SLC44A5: variants seen among roughly 807,000 people sequenced by gnomAD.
SLC44A5 encodes the protein solute carrier family 44 member 5, also known as choline transporter-like protein 5.
Under a neutral mutation model 101.8 loss-of-function variants are expected in SLC44A5, and 57 were observed. The ratio of observed to expected loss-of-function variants is 0.56; its 90% CI spans 0.45 to 0.70. The LOEUF (loss-of-function observed/expected upper bound fraction) is 0.70. SLC44A5 is among the 30% of genes least tolerant of loss of function. The pLI is 0.00. For synonymous variants in SLC44A5, 281 were observed against 290.9 expected, an observed-to-expected ratio of 0.97 and a Z score of 0.35; for missense variants, 737 against 853.1, an observed-to-expected ratio of 0.86 and a Z score of 1.70.
At chr1:75,461,769 A>G (rs1226213846) in intron 2 of SLC44A5, among the ~76,000 whole-genome samples, 1 of 152,188 alleles carries the variant, frequency 6.6e-6, no homozygotes, top group East Asian at 1.9e-4. Context: ...TAGGGGGAAC[A>G]TTGGTAGTAA....
At chr1:75,636,460 G>A in the SLC44A5 span, among the ~76,000 whole-genome samples, 2 of 152,046 alleles carry the variant, frequency 1.3e-5, no homozygotes, top group Non-Finnish European at 2.9e-5. Flanking sequence ...GCTAGATATA[G>A]GGATTTAAAC....
At chr1:75,672,171 G>A in the SLC44A5 span, among the ~76,000 whole-genome samples, 1 of 152,108 alleles carries the variant, frequency 6.6e-6, no homozygotes, top group Admixed American at 6.5e-5. Flanking sequence ...CTTTTAACAT[G>A]TCAGAAAAGA....
At chr1:75,481,375 A>C (rs1667835723) in intron 2 of SLC44A5, among the ~76,000 whole-genome samples, 1 of 152,202 alleles carries the variant, frequency 6.6e-6, no homozygotes, top group African/African-American at 2.4e-5. Flanking sequence ...CACCAAAAGC[A>C]ATGGCAACAA....
intron 2 of SLC44A5, among the ~76,000 whole-genome samples, chr1:75,506,909 T>A (rs951022407): frequency 1.0e-5 from 1 of 97,930 alleles, no homozygotes; most frequent in African/African-American, 4.2e-5. Context: ...TTCCTATTCT[T>A]TTTTTTTTTT....
chr1:75,340,608 C>A lies in SLC44A5; in HGVS notation c.53-978G>T, dbSNP rs200906022. Among the ~76,000 whole-genome samples, 31 of 152,348 alleles carry A rather than the reference C, an allele frequency of 2.0e-4. No individual in the cohort carries two copies. In the East Asian group the frequency reaches 5.8e-3, roughly 28 times the overall value. On this transcript the variant is annotated intron_variant, in intron 3 of 23. Coordinates refer to ENST00000370859, the MANE Select transcript of SLC44A5 (RefSeq NM_001130058.2). ...TTAAAAGTGTTTAAGTCTACTTTAT[C>A]TGAGAACTGACCATCCCTCTGTCCC...
At chr1:75,675,764 G>C in the SLC44A5 span, among the ~76,000 whole-genome samples, 1 of 152,120 alleles carries the variant, frequency 6.6e-6, no homozygotes, top group African/African-American at 2.4e-5. Context: ...AGAGTGAACA[G>C]ACAACCTATA....
chr1:75,701,663 C>G, the SLC44A5 span, among the ~76,000 whole-genome samples: 1 of 152,188 alleles, frequency 6.6e-6, no homozygotes, highest in Non-Finnish European at 1.5e-5. Context: ...CCAGGGCAAT[C>G]AGGCAGGAGA....
chr1:75,491,991 G>C (rs1342855315), intron 2 of SLC44A5, among the ~76,000 whole-genome samples: 1 of 152,062 alleles, frequency 6.6e-6, no homozygotes, highest in Non-Finnish European at 1.5e-5. Context: ...ATTTATTTTA[G>C]TGACTTCAAG....
intron 4 of SLC44A5, among the ~76,000 whole-genome samples, chr1:75,321,503 A>G (rs992394310): frequency 2.0e-5 from 3 of 151,972 alleles, no homozygotes; most frequent in African/African-American, 7.3e-5. Context: ...GTCTCTTCTT[A>G]CAAGGGCACT....
At chr1:75,642,214 T>C in the SLC44A5 span, 2 of 556,476 alleles carry the variant, frequency 3.6e-6, no homozygotes, top group Non-Finnish European at 6.2e-6. Context: ...AGCTTGTTTC[T>C]GCTTATACAA....
chr1:75,545,487 T>C (rs1450158485), intron 1 of SLC44A5, among the ~76,000 whole-genome samples: 1 of 152,208 alleles, frequency 6.6e-6, no homozygotes, highest in African/African-American at 2.4e-5. Flanking sequence ...ATTCAGATTA[T>C]GCTTTTTCAG....
At chr1:75,513,093 CA>C (rs1669651068) in intron 2 of SLC44A5, among the ~76,000 whole-genome samples, 1 of 152,162 alleles carries the variant, frequency 6.6e-6, no homozygotes, top group Admixed American at 6.5e-5. Flanking sequence ...TAGTAAATAG[CA>C]AATCCAGAAT....
At chr1:75,367,684 T>C (rs1659951550) in intron 3 of SLC44A5, among the ~76,000 whole-genome samples, 1 of 152,136 alleles carries the variant, frequency 6.6e-6, no homozygotes, top group African/African-American at 2.4e-5. Context: ...TAAGGCCAAA[T>C]GGGGCTGTAG....
the SLC44A5 span, among the ~76,000 whole-genome samples, chr1:75,692,740 G>A: frequency 6.6e-6 from 1 of 152,064 alleles, no homozygotes; most frequent in African/African-American, 2.4e-5. Context: ...AAAATATGTA[G>A]GTAGGTTTGA....
At chr1:75,369,817 A>G (rs981620816) in intron 3 of SLC44A5, among the ~76,000 whole-genome samples, 5 of 152,220 alleles carry the variant, frequency 3.3e-5, no homozygotes, top group African/African-American at 1.2e-4. Flanking sequence ...GTAAAACTTC[A>G]CCAAAAGAAT....
the SLC44A5 span, among the ~76,000 whole-genome samples, chr1:75,636,557 A>T: frequency 1.3e-5 from 2 of 152,128 alleles, no homozygotes; most frequent in African/African-American, 4.8e-5. Context: ...AATGAAATGG[A>T]GTGTATAAAA....
chr1:75,514,176 CTG>C (rs1364818116), intron 2 of SLC44A5, among the ~76,000 whole-genome samples: 2 of 152,166 alleles, frequency 1.3e-5, no homozygotes, highest in Non-Finnish European at 2.9e-5. Flanking sequence ...AAAAAGAACT[CTG>C]TACTGGTTGG....
At chr1:75,279,477 C>G (rs554583858) in intron 5 of SLC44A5, among the ~76,000 whole-genome samples, 42 of 152,212 alleles carry the variant, frequency 2.8e-4, no homozygotes, top group South Asian at 8.3e-4. Flanking sequence ...GAACCTGGAC[C>G]CAGAACCACC....
At chr1:75,210,958 T>C (rs1485678569) in intron 23 of SLC44A5, among the ~76,000 whole-genome samples, 1 of 152,216 alleles carries the variant, frequency 6.6e-6, no homozygotes, top group Non-Finnish European at 1.5e-5. Context: ...GCATATATAG[T>C]AAAATGATTG....
Sources: allele counts gnomAD v4.1 joint callset (sites outside exome capture counted in the v4.1 genomes callset), GRCh38; gene constraint gnomAD v4.1.1; transcripts MANE v1.5; gene names NCBI Gene and HGNC (gene_info 2026-07-23, HGNC 2026-07-21).